Variants in NCALD observed in about 807,000 individuals in gnomAD.
The protein encoded by NCALD is neurocalcin delta, also known as neurocalcin-delta.
Under a neutral mutation model 18.6 loss-of-function variants are expected in NCALD, and 10 were observed. That is an observed-to-expected ratio of 0.54 (90% CI 0.33 to 0.91). The LOEUF is 0.91. Ranked by LOEUF, NCALD falls within the 40% of genes least tolerant of loss-of-function variation. The pLI is 0.03. For missense variants in NCALD, 184 were observed against 247.6 expected (o/e 0.74, Z 1.72); for synonymous variants, 88 against 87.4 (o/e 1.01, Z -0.04).
chr8:101,720,531 T>G (rs1342274609), intron 1 of NCALD, among the ~76,000 whole-genome samples: 1 of 152,206 alleles, frequency 6.6e-6, no homozygotes, highest in East Asian at 1.9e-4. Flanking sequence ...TACTTAAATA[T>G]GCTGTTAATA....
chr8:102,118,108 C>T (rs1440472131), intron 1 of NCALD, among the ~76,000 whole-genome samples: 1 of 152,240 alleles, frequency 6.6e-6, no homozygotes, highest in Non-Finnish European at 1.5e-5. Flanking sequence ...GGCCTTCTTG[C>T]TGTCTGGCTG....
chr8:102,110,954 C>T (rs994914524), intron 1 of NCALD, among the ~76,000 whole-genome samples: 5 of 151,432 alleles, frequency 3.3e-5, no homozygotes, highest in African/African-American at 7.3e-5. Context: ...ATGTTTGGGA[C>T]GTATGGTTAA....
intron 4 of NCALD, among the ~76,000 whole-genome samples, chr8:101,818,397 A>C (rs1028543707): frequency 1.3e-4 from 20 of 152,196 alleles, no homozygotes; most frequent in Admixed American, 3.9e-4. Context: ...AGACAGGAGA[A>C]TGCTGTCTTA....
intron 2 of NCALD, among the ~76,000 whole-genome samples, chr8:101,980,929 A>T (rs1489714890): frequency 6.6e-6 from 1 of 152,126 alleles, no homozygotes. Flanking sequence ...TTAAAAACCC[A>T]ATTCAAGTTC....
At chr8:101,859,755 T>G (rs1278740666) in intron 4 of NCALD, among the ~76,000 whole-genome samples, 4 of 152,176 alleles carry the variant, frequency 2.6e-5, no homozygotes, top group Non-Finnish European at 5.9e-5. Context: ...TAAACCAAGA[T>G]GTCCTTGTTC....
At chr8:102,011,616 G>A (rs534502850) in intron 2 of NCALD, among the ~76,000 whole-genome samples, 28 of 152,190 alleles carry the variant, frequency 1.8e-4, no homozygotes, top group African/African-American at 5.1e-4. Context: ...TTCCTACCTA[G>A]TTTATGTGTA....
intron 1 of NCALD, among the ~76,000 whole-genome samples, chr8:102,123,005 A>G (rs1825987195): frequency 6.6e-6 from 1 of 152,128 alleles, no homozygotes; most frequent in South Asian, 2.1e-4. Context: ...CCACACTCCC[A>G]CCATCACACC....
chr8:101,774,153 T>C (rs1811696793), intron 1 of NCALD, among the ~76,000 whole-genome samples: 1 of 152,214 alleles, frequency 6.6e-6, no homozygotes, highest in Non-Finnish European at 1.5e-5. Flanking sequence ...TACCTGTAAA[T>C]GGCTGCTATT....
At chr8:101,759,674 A>G (rs1167294393) in intron 1 of NCALD, among the ~76,000 whole-genome samples, 1 of 152,220 alleles carries the variant, frequency 6.6e-6, no homozygotes, top group African/African-American at 2.4e-5. Context: ...CTAGACATAC[A>G]TCCCTCAAAG....
intron 2 of NCALD, among the ~76,000 whole-genome samples, chr8:101,699,561 C>G (rs1342298189): frequency 6.6e-6 from 1 of 152,126 alleles, no homozygotes; most frequent in African/African-American, 2.4e-5. Flanking sequence ...CACATATACA[C>G]CATGGAATAC....
At chr8:102,020,498 T>G (rs1437077471) in intron 1 of NCALD, 1 of 152,220 alleles carries the variant, frequency 6.6e-6, no homozygotes, top group African/African-American at 2.4e-5. Flanking sequence ...AATCGGAATA[T>G]AATATCTGCA....
At chr8:102,005,552 A>G (rs1821668393) in intron 2 of NCALD, among the ~76,000 whole-genome samples, 1 of 152,240 alleles carries the variant, frequency 6.6e-6, no homozygotes, top group Non-Finnish European at 1.5e-5. Context: ...ATTATAAATC[A>G]TGCTGCTATA....
chr8:101,833,395 T>A lies in NCALD; in HGVS notation c.-20+53746A>T, dbSNP rs111239827. Among the ~76,000 whole-genome samples, 113 of 152,268 alleles carry A rather than the reference T, an allele frequency of 7.4e-4. 1 individual carries two copies. The highest frequency in any genetic ancestry group is 2.2e-3 in the African/African-American group (91 of 41,564). ...CCCATTCAAAGTGATGCAAAAAGGT[T>A]AAGTAACAAATGTTGCAACATAATA... is the stretch of plus-strand genomic sequence containing the variant. On this transcript the variant is annotated intron_variant, in intron 4 of 6. Coordinates refer to the NCALD transcript ENST00000311028.
At chr8:101,813,789 T>A (rs1813397072) in intron 4 of NCALD, among the ~76,000 whole-genome samples, 1 of 151,996 alleles carries the variant, frequency 6.6e-6, no homozygotes, top group Non-Finnish European at 1.5e-5. Flanking sequence ...TGGTCCAGAT[T>A]TTGCCAAAGA....
At chr8:101,784,526 G>C (rs753502108) in intron 1 of NCALD, among the ~76,000 whole-genome samples, 20 of 152,182 alleles carry the variant, frequency 1.3e-4, no homozygotes, top group Non-Finnish European at 2.2e-4. Context: ...TGGTAATGCA[G>C]TGGCTCATGC....
intron 4 of NCALD, among the ~76,000 whole-genome samples, chr8:101,827,472 G>A (rs1011179787): frequency 6.6e-6 from 1 of 152,164 alleles, no homozygotes; most frequent in South Asian, 2.1e-4. Context: ...CAAATAGTAC[G>A]TGAGATCATG....
chr8:102,032,622 T>TAAAAAAAAAAA (rs59283854), intron 1 of NCALD, among the ~76,000 whole-genome samples: 1 of 104,988 alleles, frequency 9.5e-6, no homozygotes, highest in Non-Finnish European at 1.8e-5. Flanking sequence ...GAAAAACTGC[T>TAAAAAAAAAAA]AAAAAAAAAA....
At chr8:101,845,363 A>C (rs1341384585) in intron 4 of NCALD, among the ~76,000 whole-genome samples, 2 of 152,178 alleles carry the variant, frequency 1.3e-5, no homozygotes, top group African/African-American at 4.8e-5. Flanking sequence ...TTAAAGCTGC[A>C]TGTGCTCTGT....
chr8:102,116,538 A>C (rs754410456), intron 1 of NCALD, among the ~76,000 whole-genome samples: 1 of 152,160 alleles, frequency 6.6e-6, no homozygotes, highest in South Asian at 2.1e-4. Context: ...GCTGGAGTGC[A>C]GTGGGGTCAA....
Sources: gnomAD v4.1 joint callset for allele counts (sites outside exome capture counted in the v4.1 genomes callset) on GRCh38, gnomAD v4.1.1 for gene constraint, MANE v1.5 for transcripts, NCBI Gene and HGNC (gene_info 2026-07-23, HGNC 2026-07-21) for gene names.